Variants in UHRF2 observed in about 807,000 individuals in gnomAD.
The protein encoded by UHRF2 is ubiquitin like with PHD and ring finger domains 2, also known as E3 ubiquitin-protein ligase UHRF2.
Under a neutral mutation model 96.8 loss-of-function variants are expected in UHRF2, and 23 were observed. The ratio of observed to expected loss-of-function variants is 0.24; its 90% CI spans 0.17 to 0.34. The LOEUF (loss-of-function observed/expected upper bound fraction) is 0.34, where lower values mean the gene tolerates loss of function less well. UHRF2 is among the 10% of genes least tolerant of loss of function. UHRF2 has a pLI of 1.00. For synonymous variants in UHRF2, 385 were observed against 332.6 expected (o/e 1.16, Z -1.72); for missense variants, 685 against 981.5 (o/e 0.70, Z 4.04).
At chr9:6,471,228 G>C (rs999163406) in intron 4 of UHRF2, among the ~76,000 whole-genome samples, 7 of 152,212 alleles carry the variant, frequency 4.6e-5, no homozygotes, top group Admixed American at 6.5e-5. Context: ...ATAGCTGGTG[G>C]GATAAACAGT....
rs989386152 is a variant in UHRF2, at chr9:6,497,897, C to T, written c.1768-121C>T. The stretch of plus-strand genomic sequence containing the variant: ...GAATATTCTTGACTTACTGTCCTTA[C>T]AGCAAAGCAGAATATTCAGAAGTTG... On this transcript the variant is annotated intron_variant, in intron 11 of 15. Transcript: ENST00000276893. 4.7e-6 allele frequency: 6 copies of T among 1,281,072 alleles called. No homozygotes were observed. The African/African-American group carries it at 7.5e-5, about 16-fold the overall frequency. The allele number at this position is 1,281,072 out of a possible 1,614,324, so 79.4% of individuals were successfully genotyped here. A position where few individuals can be genotyped will look rare whatever the true frequency, so the allele number is the denominator to read the frequency against.
chr9:6,435,179 A>T (rs1820768517), intron 3 of UHRF2, among the ~76,000 whole-genome samples: 1 of 151,942 alleles, frequency 6.6e-6, no homozygotes, highest in South Asian at 2.1e-4. Flanking sequence ...TTTTTACTAG[A>T]TATGGGGTTT....
At chr9:6,427,846 A>ATT (rs1820346830) in intron 2 of UHRF2, among the ~76,000 whole-genome samples, 1 of 152,238 alleles carries the variant, frequency 6.6e-6, no homozygotes, top group Non-Finnish European at 1.5e-5. Context: ...AAGATTGTAC[A>ATT]GAGGCTGGGT....
At position 6,477,791 on chromosome 9, in the gene UHRF2, C is replaced by T. The variant is rs73399085; in HGVS notation, c.1143C>T (p.Val381=). The change falls in exon 6 of 16, where the codon GTC becomes GTT. Residue 381 remains valine, a synonymous_variant. Coordinates refer to ENST00000276893, the MANE Select transcript of UHRF2 (RefSeq NM_152896.3). ...IYCLNPPLDK[V]PEEEYWYCPS... ...GTCTGAATCCACCTTTGGATAAAGTCCCAGAAGAGGAATACTGGTATGATT... is the reference window on the plus strand; with the variant it reads ...GTCTGAATCCACCTTTGGATAAAGTTCCAGAAGAGGAATACTGGTATGATT... 49,841 of 1,604,604 alleles carry T rather than the reference C, an allele frequency of 0.031. 958 individuals carry two copies. The highest frequency in any genetic ancestry group is 0.073 in the African/African-American group (5,483 of 74,764).
In UHRF2 at chr9:6,506,071, C is replaced by G. The variant is rs530766938; in HGVS notation, c.2301C>G (p.Ser767=). The change falls in exon 16 of 16, where the codon TCC becomes TCG. Residue 767 remains serine (S), a synonymous_variant. Coordinates refer to ENST00000276893, the MANE Select transcript of UHRF2 (RefSeq NM_152896.3). ...GCTCCTTTAAGGCACAGGTTTTCTCCTGCCCTGCTTGCCGGCATGATCTTG... is the reference window on the plus strand; with the variant it reads ...GCTCCTTTAAGGCACAGGTTTTCTCGTGCCCTGCTTGCCGGCATGATCTTG... ...LQRSFKAQVF[S]CPACRHDLGQ... 6.2e-7 allele frequency: 1 copy of G among 1,614,070 alleles called. No homozygotes were observed. Among genetic ancestry groups the G allele is most frequent in the Non-Finnish European group, 8.5e-7 (1 of 1,180,040 alleles).
At chr9:6,449,221 CCA>C (rs1821705846) in intron 3 of UHRF2, 1 of 152,176 alleles carries the variant, frequency 6.6e-6, no homozygotes, top group Admixed American at 6.5e-5. Context: ...TCTAACTCTG[CCA>C]CAGTGTTTGA....
chr9:6,480,115 C>G (rs1823835831), intron 6 of UHRF2, among the ~76,000 whole-genome samples: 1 of 152,196 alleles, frequency 6.6e-6, no homozygotes, highest in Non-Finnish European at 1.5e-5. Context: ...TGTTTACTTA[C>G]TAACCTTGGT....
At position 6,439,149 on chromosome 9, in the gene UHRF2, C is replaced by G. The variant is rs150511135; in HGVS notation, c.644+4976C>G. Among the ~76,000 whole-genome samples, 429 of 152,094 alleles carry G rather than the reference C, an allele frequency of 2.8e-3. 1 individual carries two copies. The highest frequency in any genetic ancestry group is 3.4e-3 in the Non-Finnish European group (232 of 67,982). ...TTTTACTAGTTGCTTGTAAATGGTC[C>G]TTTTCTATAGATTTCTTGGTGAACA... On this transcript the variant is annotated intron_variant, in intron 3 of 15. Coordinates refer to ENST00000276893, the MANE Select transcript of UHRF2 (RefSeq NM_152896.3).
intron 2 of UHRF2, among the ~76,000 whole-genome samples, chr9:6,424,753 A>G (rs1402537662): frequency 5.0e-5 from 7 of 141,076 alleles, no homozygotes; most frequent in East Asian, 2.0e-4. Context: ...CTCCTTTGAC[A>G]TTGACTGTGA....
chr9:6,417,738 C>G (rs1287273802), intron 1 of UHRF2, among the ~76,000 whole-genome samples: 1 of 152,122 alleles, frequency 6.6e-6, no homozygotes, highest in Non-Finnish European at 1.5e-5. Flanking sequence ...GTGGATGTAA[C>G]TTATAGGGTC....
intron 5 of UHRF2, 90 bp downstream of exon 5, chr9:6,475,590 T>C: frequency 3.4e-6 from 2 of 589,850 alleles, no homozygotes; most frequent in Non-Finnish European, 5.6e-6. Flanking sequence ...TGGAAGGAAG[T>C]ATAAAACTGT....
chr9:6,499,906 A>C lies in UHRF2; in HGVS notation c.1980A>C (p.Gly660=). The change falls in exon 13 of 16, where the codon GGA becomes GGC. Residue 660 remains glycine, a synonymous_variant. Transcript: ENST00000276893. ...PKGQSKKQPS[G]TTKRPISDDD... ...GACAGTCAAAGAAGCAGCCCAGTGG[A>C]ACCACAAAAAGGCCAATTTCAGATG... 6.2e-7 allele frequency: 1 copy of C among 1,612,694 alleles called. No individual in the cohort carries two copies. The highest frequency in any genetic ancestry group is 8.5e-7 in the Non-Finnish European group (1 of 1,179,176).
At chr9:6,493,139 A>G (rs1321846534) in intron 9 of UHRF2, among the ~76,000 whole-genome samples, 1 of 152,084 alleles carries the variant, frequency 6.6e-6, no homozygotes, top group African/African-American at 2.4e-5. Flanking sequence ...CTCTACTAAA[A>G]ATACAAAAGC....
At chr9:6,491,556 C>G (rs1214041413) in intron 9 of UHRF2, among the ~76,000 whole-genome samples, 1 of 152,124 alleles carries the variant, frequency 6.6e-6, no homozygotes, top group Non-Finnish European at 1.5e-5. Flanking sequence ...CTTCATTGTG[C>G]TTTGGAATTA....
intron 6 of UHRF2, among the ~76,000 whole-genome samples, chr9:6,481,034 C>G (rs763958199): frequency 2.0e-5 from 3 of 152,172 alleles, no homozygotes; most frequent in African/African-American, 7.2e-5. Context: ...ATAGCCTCCT[C>G]TCATTCTGTA....
At chr9:6,475,318 G>A (rs1823501311) in intron 4 of UHRF2, 73 bp from the exon 5 acceptor site, 2 of 826,910 alleles carry the variant, frequency 2.4e-6, no homozygotes, top group Admixed American at 5.7e-5. Flanking sequence ...ATTCCAAACT[G>A]GCTTTTAATT....
intron 4 of UHRF2, among the ~76,000 whole-genome samples, chr9:6,469,185 C>A (rs1431254761): frequency 1.3e-5 from 2 of 152,242 alleles, no homozygotes; most frequent in African/African-American, 2.4e-5. Flanking sequence ...GATTCTAGAA[C>A]TGAGAATTAT....
At chr9:6,439,714 G>C (rs1270522691) in intron 3 of UHRF2, among the ~76,000 whole-genome samples, 2 of 152,132 alleles carry the variant, frequency 1.3e-5, no homozygotes, top group Non-Finnish European at 2.9e-5. Context: ...AAACTCTAGA[G>C]ATTTAGATTT....
intron 3 of UHRF2, among the ~76,000 whole-genome samples, chr9:6,455,889 T>G (rs985791395): frequency 1.3e-5 from 2 of 151,952 alleles, no homozygotes; most frequent in East Asian, 1.9e-4. Context: ...GAGGCTGAGG[T>G]AAGAGGATTG....
Sources: gnomAD v4.1 joint callset for allele counts (sites outside exome capture counted in the v4.1 genomes callset) on GRCh38, gnomAD v4.1.1 for gene constraint, MANE v1.5 for transcripts, NCBI Gene and HGNC (gene_info 2026-07-23, HGNC 2026-07-21) for gene names.